Variants in ABCA3 observed in about 807,000 individuals in gnomAD.
The protein encoded by ABCA3 is phospholipid-transporting ATPase ABCA3.
In ABCA3, 88 loss-of-function variants were observed where a neutral mutation model predicts 172.8. The ratio of observed to expected loss-of-function variants is 0.51; its 90% CI spans 0.43 to 0.61. The LOEUF (loss-of-function observed/expected upper bound fraction) is 0.61, where lower values mean the gene tolerates loss of function less well. Among genes scored for constraint, ABCA3 ranks in the 20% least tolerant of loss-of-function variants. The pLI, the probability that ABCA3 is intolerant of heterozygous loss-of-function variation, is 0.00. For synonymous variants in ABCA3, 1,066 were observed against 983.8 expected (o/e 1.08, Z -1.56); for missense variants, 2,164 against 2,301.0 (o/e 0.94, Z 1.22).
At chr16:2,332,216 C>G (rs2093744325) in intron 1 of ABCA3, 3 of 401,320 alleles carry the variant, frequency 7.5e-6, no homozygotes, top group Admixed American at 4.1e-5. Context: ...TTGGAGAAAT[C>G]CCAAACTCCT....
intron 7 of ABCA3, among the ~76,000 whole-genome samples, chr16:2,322,631 TAC>T (rs2093727909): frequency 6.7e-6 from 1 of 148,954 alleles, no homozygotes; most frequent in African/African-American, 2.5e-5. Flanking sequence ...ATCCCTTCCA[TAC>T]ACCTTATACA....
intron 28 of ABCA3, 66 bp downstream of exon 28, chr16:2,280,961 G>A (rs933898218): frequency 6.9e-6 from 11 of 1,602,092 alleles, no homozygotes; most frequent in Non-Finnish European, 1.7e-6. Context: ...CTCTGTCCCT[G>A]CCTCCAGGGT....
In ABCA3 at chr16:2,304,248, C is replaced by A. The variant is rs558722624; in HGVS notation, c.1286-98G>T. On this transcript the variant is annotated intron_variant, in intron 11 of 32. Coordinates refer to ENST00000301732, the MANE Select transcript of ABCA3 (RefSeq NM_001089.3). ...GCACACGTGTGCACATTTGACCTTG[C>A]ATGGCCACTGCTTGGTTGGCATGCC... The A allele has an allele frequency of 1.3e-5, 17 of 1,285,350 alleles. No individual in the cohort carries two copies. In the South Asian group the frequency reaches 1.7e-4, roughly 13 times the overall value. The allele number at this position is 1,285,350 out of a possible 1,614,324, so 79.6% of individuals were successfully genotyped here. A position where few individuals can be genotyped will look rare whatever the true frequency, so the allele number is the denominator to read the frequency against.
intron 18 of ABCA3, 92 bp from the exon 19 acceptor site, chr16:2,292,330 T>C (rs2093673363): frequency 9.1e-7 from 1 of 1,094,840 alleles, no homozygotes; most frequent in South Asian, 1.3e-5. Context: ...CCAGGCACAG[T>C]GCCTCACACC....
Position 2,321,377 on chromosome 16 carries a change from C to T in ABCA3, c.614-1537G>A, listed in dbSNP as rs186874306. Among the ~76,000 whole-genome samples, 8 of 152,318 alleles carry T rather than the reference C, an allele frequency of 5.3e-5. No individual in the cohort carries two copies. The East Asian group carries it at 9.6e-4, about 18-fold the overall frequency. ...ATTAGCCTGGTGACAGCCCTGGCAC[C>T]AGTAAGGGACATCGCTAAGCGCTGG... On this transcript the variant is annotated intron_variant, in intron 7 of 32. Transcript: ENST00000301732.
Position 2,283,636 on chromosome 16 carries a change from T to C in ABCA3, c.3863-278A>G, listed in dbSNP as rs2093658484. 1 of 464,644 alleles carries C rather than the reference T, an allele frequency of 2.2e-6. No individual in the cohort carries two copies. Among genetic ancestry groups the C allele is most frequent in the East Asian group, 4.2e-5 (1 of 23,896 alleles). The allele number at this position is 464,644 out of a possible 1,614,324, so 28.8% of individuals were successfully genotyped here. ...AGAGGCACAGGCTCTGCGTGAATCC[T>C]GGGCTGCCTCCTGACCAGGACAGAG... On this transcript the variant is annotated intron_variant, in intron 25 of 32. Transcript: ENST00000301732. This position sits in a 1 kb window ranked among gnomAD's most constrained non-coding sequence, Gnocchi z 5.4.
intron 8 of ABCA3, among the ~76,000 whole-genome samples, chr16:2,318,211 G>A (rs2093719659): frequency 6.6e-6 from 1 of 152,156 alleles, no homozygotes; most frequent in Admixed American, 6.6e-5. Context: ...GGATGCCATA[G>A]CCATTCATTC....
intron 1 of ABCA3, chr16:2,332,859 T>C (rs1212087405): frequency 1.3e-5 from 7 of 551,768 alleles, no homozygotes; most frequent in Non-Finnish European, 1.9e-5. Context: ...CAGGTTGGAG[T>C]GCCGTTGCGT....
intron 10 of ABCA3, among the ~76,000 whole-genome samples, chr16:2,312,068 T>C (rs1034667827): frequency 6.6e-5 from 10 of 152,240 alleles, no homozygotes; most frequent in African/African-American, 2.4e-4. Flanking sequence ...TATTTTATCA[T>C]ACAATATTAA....
rs890213567 is a variant in ABCA3, at chr16:2,283,249, G to C, written c.3972C>G (p.Ile1324Met). The change falls in exon 26 of 33, where the codon ATC (isoleucine) becomes ATG (methionine). Residue 1324 changes from isoleucine (I) to methionine (M), a missense_variant. Physicochemically the swap from Ile to Met is conservative, Grantham distance 10 (BLOSUM62 1). Around this residue, in one of 3 missense-constraint regions of ABCA3, gnomAD observed 795 missense variants for 881.9 expected, o/e 0.90. Transcript: ENST00000301732. The surrounding 1 kb of genome is among the most constrained non-coding windows in gnomAD (Gnocchi z 5.4). ...GCAYLILLFL[I>M]ETNLLQRLRG... ...TGAGTCTCTGAAGCAGGTTGGTCTCGATGAGGAAGAGCAGGATGAGGTAGG... is the reference window on the plus strand; with the variant it reads ...TGAGTCTCTGAAGCAGGTTGGTCTCCATGAGGAAGAGCAGGATGAGGTAGG... The C allele has an allele frequency of 1.9e-6, 3 of 1,613,460 alleles. No individual in the cohort carries two copies. The highest frequency in any genetic ancestry group is 2.5e-6 in the Non-Finnish European group (3 of 1,179,994).
At chr16:2,330,965 C>G (rs1237097171) in intron 1 of ABCA3, among the ~76,000 whole-genome samples, 2 of 152,120 alleles carry the variant, frequency 1.3e-5, no homozygotes, top group South Asian at 2.1e-4. Flanking sequence ...GACGAAGAAA[C>G]AAGGAGGAAA....
In ABCA3 at chr16:2,299,504, G is replaced by A. The variant is rs373055135; in HGVS notation, c.1640C>T (p.Ala547Val). The stretch of plus-strand genomic sequence containing the variant: ...GTTGAGGTTCAGGTCTCTGACGGCC[G>A]CCCTGTCCTTATTTCCCACCCTGAA... Reference protein sequence around the residue: ...KVFRVGNKDRAAVRDLNLNLY... With the variant: ...KVFRVGNKDRVAVRDLNLNLY... The change falls in exon 14 of 33, where the codon GCG (alanine) becomes GTG (valine). Residue 547 changes from alanine to valine, a missense_variant. Coordinates refer to ENST00000301732, the MANE Select transcript of ABCA3 (RefSeq NM_001089.3). 145 of 1,613,534 alleles carry A rather than the reference G, an allele frequency of 9.0e-5. No homozygotes were observed. The highest frequency in any genetic ancestry group is 8.2e-5 in the Non-Finnish European group (97 of 1,179,980).
Position 2,285,442 on chromosome 16 carries a change from C to T in ABCA3, c.3483G>A (p.Leu1161=). 1 of 1,607,618 alleles carries T rather than the reference C, an allele frequency of 6.2e-7. No homozygotes were observed. The highest frequency in any genetic ancestry group is 8.5e-7 in the Non-Finnish European group (1 of 1,177,152). Reference sequence around the variant, plus strand: ...GGATCCAGCACCCTCCGGCGCTCACCAGCAGCAGCAGACTGGGGATGAGGA... The same window carrying T: ...GGATCCAGCACCCTCCGGCGCTCACTAGCAGCAGCAGACTGGGGATGAGGA... ...ISFLIPSLLL[L]VVFKAFDVRA... The change falls in exon 23 of 33, where the codon CTG becomes CTA. Residue 1161 remains leucine, a splice_region_variant and synonymous_variant. Coordinates refer to ENST00000301732, the MANE Select transcript of ABCA3 (RefSeq NM_001089.3). The surrounding 1 kb of genome is among the most constrained non-coding windows in gnomAD (Gnocchi z 4.7).
rs896233075 is a variant in ABCA3 at position 2,278,655 on chromosome 16, AG to A, written c.4548-198del. Among the ~76,000 whole-genome samples the A allele has an allele frequency of 1.3e-5, 2 of 152,214 alleles. No individual in the cohort carries two copies. The highest frequency in any genetic ancestry group is 4.8e-5 in the African/African-American group (2 of 41,462). ...GGAGGCCCCAGAGAAGGCTGTTCCCAGGGGCCCGGTGCACGCACCTACATGG... is the reference window on the plus strand; with the variant it reads ...GGAGGCCCCAGAGAAGGCTGTTCCCAGGGCCCGGTGCACGCACCTACATGG... On this transcript the variant is annotated intron_variant, in intron 29 of 32. Transcript: ENST00000301732. This position sits in a 1 kb window ranked among gnomAD's most constrained non-coding sequence, Gnocchi z 4.4.
At chr16:2,319,974 C>A (rs1411439630) in intron 7 of ABCA3, 134 bp from the exon 8 acceptor site, 24 of 1,165,530 alleles carry the variant, frequency 2.1e-5, no homozygotes, top group Non-Finnish European at 2.8e-5. Context: ...ACCCCCGTGG[C>A]CGCTCAGTGG....
rs746546254 is a variant in ABCA3 at position 2,285,401 on chromosome 16, C to A, written c.3483+41G>T. ...CAGGGGTCCCAGGGCAAGCCCTCTGCGGTCTGCAGGGGAACGGATCCAGCA... is the reference window on the plus strand; with the variant it reads ...CAGGGGTCCCAGGGCAAGCCCTCTGAGGTCTGCAGGGGAACGGATCCAGCA... On this transcript the variant is annotated intron_variant, in intron 23 of 32. Coordinates refer to ENST00000301732, the MANE Select transcript of ABCA3 (RefSeq NM_001089.3). The surrounding 1 kb of genome is among the most constrained non-coding windows in gnomAD (Gnocchi z 4.7). 6.4e-7 allele frequency: 1 copy of A among 1,569,308 alleles called. No individual in the cohort carries two copies. The highest frequency in any genetic ancestry group is 2.3e-5 in the East Asian group (1 of 42,774).
rs2093658988 is a variant in ABCA3 at position 2,284,028 on chromosome 16, C to T, written c.3862+251G>A. The T allele has an allele frequency of 4.1e-6, 2 of 483,146 alleles. No individual in the cohort carries two copies. 29.9% of individuals were successfully genotyped at this position (483,146 alleles called of 1,614,324 possible). A position where few individuals can be genotyped will look rare whatever the true frequency, so the allele number is the denominator to read the frequency against. On this transcript the variant is annotated intron_variant, in intron 25 of 32. Transcript: ENST00000301732. The surrounding 1 kb of genome is among the most constrained non-coding windows in gnomAD (Gnocchi z 5.9). ...GGGGATTCACTCCTCGTGCTAAGCG[C>T]TGGTCTGTGGTTCCTTGTTACAGAT...
intron 11 of ABCA3, 57 bp from the exon 12 acceptor site, chr16:2,304,207 C>G: frequency 6.3e-7 from 1 of 1,599,838 alleles, no homozygotes; most frequent in South Asian, 1.1e-5. Flanking sequence ...GGCCCAGGGA[C>G]CCGAAGCCCC....
At chr16:2,305,047 G>A (rs545476304) in intron 11 of ABCA3, among the ~76,000 whole-genome samples, 39 of 152,092 alleles carry the variant, frequency 2.6e-4, no homozygotes, top group Non-Finnish European at 3.8e-4. Context: ...TCCTGAGCTC[G>A]GGCAACCTAC....
Sources: gnomAD v4.1 joint callset for allele counts (sites outside exome capture counted in the v4.1 genomes callset) on GRCh38, gnomAD v4.1.1 for gene constraint, gnomAD v4.1.1 regional missense constraint, Gnocchi (gnomAD v3.1) non-coding constraint, MANE v1.5 for transcripts, NCBI Gene and HGNC (gene_info 2026-07-23, HGNC 2026-07-21) for gene names.